The following SAMD4A variants were observed in gnomAD, a reference collection of about 807,000 sequenced individuals.
The protein encoded by SAMD4A is sterile alpha motif domain containing 4A, also known as protein Smaug homolog 1.
A neutral mutation model predicts 81.3 loss-of-function variants in SAMD4A; 33 were observed. The ratio of observed to expected loss-of-function variants is 0.41; its 90% CI spans 0.31 to 0.54. The LOEUF is 0.54. Among genes scored for constraint, SAMD4A ranks in the 20% least tolerant of loss-of-function variants. SAMD4A has a pLI of 0.37. For synonymous variants in SAMD4A, 389 were observed against 382.1 expected, an observed-to-expected ratio of 1.02 and a Z score of -0.21; for missense variants, 854 against 951.1, an observed-to-expected ratio of 0.90 and a Z score of 1.34.
At chr14:54,573,564 A>G (rs757597809) in intron 2 of SAMD4A, among the ~76,000 whole-genome samples, 3 of 152,184 alleles carry the variant, frequency 2.0e-5, no homozygotes, top group Non-Finnish European at 4.4e-5. Context: ...TAGGAAAGGT[A>G]TGGTGCTCGT....
At chr14:54,668,112 C>T (rs1351918992) in intron 2 of SAMD4A, among the ~76,000 whole-genome samples, 1 of 152,214 alleles carries the variant, frequency 6.6e-6, no homozygotes, top group East Asian at 1.9e-4. Context: ...TACAAGTTGA[C>T]CTTGTGAGTT....
intron 12 of SAMD4A, among the ~76,000 whole-genome samples, chr14:54,787,588 GGGGCTTGGACT>G (rs2139996496): frequency 6.6e-6 from 1 of 152,326 alleles, no homozygotes; most frequent in South Asian, 2.1e-4. Context: ...CTGTAATATT[GGGGCTTGGACT>G]GGGACATCAG....
intron 2 of SAMD4A, among the ~76,000 whole-genome samples, chr14:54,675,658 A>G (rs964584192): frequency 6.6e-6 from 1 of 152,216 alleles, no homozygotes; most frequent in Non-Finnish European, 1.5e-5. Flanking sequence ...TGTCATATCA[A>G]ATTAAGTTTT....
chr14:54,738,538 G>T (rs1425403625), intron 4 of SAMD4A, among the ~76,000 whole-genome samples: 1 of 152,188 alleles, frequency 6.6e-6, no homozygotes, highest in African/African-American at 2.4e-5. Flanking sequence ...GTCTTTAAAG[G>T]TATATAACAG....
intron 3 of SAMD4A, among the ~76,000 whole-genome samples, chr14:54,735,509 T>A (rs2037670290): frequency 6.6e-6 from 1 of 152,214 alleles, no homozygotes; most frequent in South Asian, 2.1e-4. Flanking sequence ...TTTTCATTCA[T>A]AAAGAAGTTT....
chr14:54,741,869 T>C (rs2037851540), intron 4 of SAMD4A, among the ~76,000 whole-genome samples: 1 of 152,106 alleles, frequency 6.6e-6, no homozygotes, highest in South Asian at 2.1e-4. Flanking sequence ...GTGGATCCCA[T>C]GGCTTGAGTG....
In SAMD4A at chr14:54,687,626, A is replaced by G. The variant is rs116714986; in HGVS notation, c.197-14436A>G. On this transcript the variant is annotated intron_variant, in intron 2 of 12. Transcript: ENST00000554335. The stretch of plus-strand genomic sequence containing the variant: ...AATAGAAGGTGTGTGGAAACTTTCT[A>G]TAAAAGGCAGCCAGGTCCCCTGGAC... Among the ~76,000 whole-genome samples the G allele has an allele frequency of 3.5e-3, 532 of 152,226 alleles. 6 individuals carry two copies. Among genetic ancestry groups the G allele is most frequent in the African/African-American group, 0.012 (511 of 41,534 alleles).
At chr14:54,768,251 C>T (rs55859548) in intron 8 of SAMD4A, among the ~76,000 whole-genome samples, 1,608 of 152,286 alleles carry the variant, frequency 0.011, 14 homozygotes, top group South Asian at 0.033. Context: ...ACCAAACGGC[C>T]GGTCTGTGCA....
rs535149233 is a variant in SAMD4A, at chr14:54,768,977, C to T, written c.1597-1127C>T. Among the ~76,000 whole-genome samples, 190 of 152,282 alleles carry T rather than the reference C, an allele frequency of 1.2e-3. 1 individual carries two copies. The highest frequency in any genetic ancestry group is 4.4e-3 in the African/African-American group (182 of 41,538). ...TGGGAACTAGTCATTTAGTCTGTTA[C>T]TGAGTAATATTTTATGACTACTTAA... is the stretch of plus-strand genomic sequence containing the variant. On this transcript the variant is annotated intron_variant, in intron 8 of 12. Transcript: ENST00000554335.
Position 54,790,720 on chromosome 14 carries a change from G to C in SAMD4A, c.*1776G>C, listed in dbSNP as rs1407183215. The C allele has an allele frequency of 6.7e-6, 1 of 150,066 alleles. No individual in the cohort carries two copies. The highest frequency in any genetic ancestry group is 2.0e-4 in the East Asian group (1 of 5,110). 9.3% of individuals were successfully genotyped at this position (150,066 alleles called of 1,614,324 possible). A position where few individuals can be genotyped will look rare whatever the true frequency, so the allele number is the denominator to read the frequency against. ...TGTGTGTGTGTGTGAAGTCAGAGTT[G>C]AAATTCAGAAGATCAGACTATGGAA... On this transcript the variant is annotated 3_prime_UTR_variant, in exon 13 of 13. Transcript: ENST00000554335.
At chr14:54,722,574 A>C (rs2037289847) in intron 3 of SAMD4A, among the ~76,000 whole-genome samples, 3 of 152,226 alleles carry the variant, frequency 2.0e-5, no homozygotes. Context: ...GACCAAAAAC[A>C]TTAGGGTTCT....
chr14:54,738,921 A>G (rs1333594559), intron 4 of SAMD4A, among the ~76,000 whole-genome samples: 1 of 152,142 alleles, frequency 6.6e-6, no homozygotes, highest in African/African-American at 2.4e-5. Flanking sequence ...TTTGTGTTTG[A>G]AGGGTAAGGA....
intron 2 of SAMD4A, among the ~76,000 whole-genome samples, chr14:54,654,527 T>C (rs1284228811): frequency 6.6e-6 from 1 of 152,346 alleles, no homozygotes; most frequent in African/African-American, 2.4e-5. Context: ...TGAGGAGGTT[T>C]AACATAGTGT....
At chr14:54,650,864 G>A (rs139609701) in intron 2 of SAMD4A, among the ~76,000 whole-genome samples, 6 of 152,270 alleles carry the variant, frequency 3.9e-5, no homozygotes, top group Admixed American at 2.0e-4. Context: ...TTCTTTCAGC[G>A]TTCTTTACTT....
At chr14:54,668,330 C>T (rs1034068880) in intron 2 of SAMD4A, among the ~76,000 whole-genome samples, 5 of 152,226 alleles carry the variant, frequency 3.3e-5, no homozygotes, top group East Asian at 1.9e-4. Flanking sequence ...TGGCCCAACT[C>T]GAAGCCATTT....
rs552633694 is a variant in SAMD4A at position 54,672,255 on chromosome 14, AT to A, written c.197-29801del. On this transcript the variant is annotated intron_variant, in intron 2 of 12. Coordinates refer to ENST00000554335, the MANE Select transcript of SAMD4A (RefSeq NM_015589.6). ...TTTTGTGTTTTTTTCCCTCTTTTAA[AT>A]TTTTTCGAGCCTTGGGATGCCTGTC... is the stretch of plus-strand genomic sequence containing the variant. 4.6e-4 allele frequency among the ~76,000 whole-genome samples: 70 copies of A among 150,790 alleles called. 5 individuals carry two copies. In the South Asian group the frequency reaches 0.015, roughly 32 times the overall value.
At chr14:54,590,292 C>T (rs1052113055) in intron 2 of SAMD4A, among the ~76,000 whole-genome samples, 2 of 152,006 alleles carry the variant, frequency 1.3e-5, no homozygotes, top group Non-Finnish European at 2.9e-5. Flanking sequence ...AGTTCAAGAC[C>T]AGCCTGGGCA....
chr14:54,752,876 T>A (rs1355911682), intron 6 of SAMD4A, among the ~76,000 whole-genome samples: 1 of 152,172 alleles, frequency 6.6e-6, no homozygotes, highest in Non-Finnish European at 1.5e-5. Flanking sequence ...AGAATCTACA[T>A]CATAATTAAG....
At chr14:54,787,231 C>T (rs561787996) in intron 12 of SAMD4A, among the ~76,000 whole-genome samples, 4 of 152,264 alleles carry the variant, frequency 2.6e-5, no homozygotes, top group African/African-American at 9.6e-5. Context: ...TCTGACACCA[C>T]TGACACACTC....
Sources: allele counts gnomAD v4.1 joint callset (sites outside exome capture counted in the v4.1 genomes callset), GRCh38; gene constraint gnomAD v4.1.1; transcripts MANE v1.5; gene names NCBI Gene and HGNC (gene_info 2026-07-23, HGNC 2026-07-21).